Variants in AFG2A observed in about 807,000 individuals in gnomAD.
AFG2A encodes the protein ATPase family gene 2 protein homolog A.
At chr4:123,092,024 G>A in the AFG2A span, among the ~76,000 whole-genome samples, 138,229 of 152,240 alleles carry the variant, frequency 0.91, 62,987 homozygotes, top group East Asian at 0.98. Flanking sequence ...GTATTTTGCT[G>A]TGTGATAAAG....
At chr4:123,213,161 T>C in the AFG2A span, among the ~76,000 whole-genome samples, 1 of 152,184 alleles carries the variant, frequency 6.6e-6, no homozygotes, top group Admixed American at 6.6e-5. Context: ...GTGGTGTTTA[T>C]CAAATATGTT....
the AFG2A span, among the ~76,000 whole-genome samples, chr4:123,143,090 T>A: frequency 6.6e-6 from 1 of 151,604 alleles, no homozygotes; most frequent in Non-Finnish European, 1.5e-5. Context: ...AATGCAAATA[T>A]TACAAAATCC....
At chr4:123,063,010 T>C in the AFG2A span, among the ~76,000 whole-genome samples, 1 of 152,240 alleles carries the variant, frequency 6.6e-6, no homozygotes, top group African/African-American at 2.4e-5. Context: ...GTTTGTTTTT[T>C]GTAACCATAA....
chr4:122,983,928 G>A, the AFG2A span, among the ~76,000 whole-genome samples: 1 of 152,172 alleles, frequency 6.6e-6, no homozygotes, highest in Non-Finnish European at 1.5e-5. Context: ...CATAGGAAAA[G>A]TGGGGAGAGT....
the AFG2A span, among the ~76,000 whole-genome samples, chr4:122,992,956 T>TTGTG: frequency 1.1e-4 from 14 of 132,890 alleles, no homozygotes; most frequent in East Asian, 7.0e-4. Context: ...CCTGTAAGAT[T>TTGTG]TGTGTGTGTG....
chr4:122,999,965 G>T, the AFG2A span, among the ~76,000 whole-genome samples: 2 of 152,002 alleles, frequency 1.3e-5, no homozygotes, highest in Admixed American at 6.6e-5. Context: ...CCATTTCTTT[G>T]TATCTTTATT....
At chr4:123,039,210 G>T in the AFG2A span, among the ~76,000 whole-genome samples, 5 of 151,998 alleles carry the variant, frequency 3.3e-5, no homozygotes, top group Admixed American at 3.3e-4. Flanking sequence ...CAGTTACATT[G>T]CCTGAATAAA....
At chr4:123,239,682 C>A in the AFG2A span, among the ~76,000 whole-genome samples, 2 of 152,138 alleles carry the variant, frequency 1.3e-5, no homozygotes, top group African/African-American at 4.8e-5. Flanking sequence ...GAAGGAAGCA[C>A]TAAACAAGGA....
the AFG2A span, among the ~76,000 whole-genome samples, chr4:122,957,496 A>G: frequency 6.6e-6 from 1 of 152,196 alleles, no homozygotes; most frequent in Non-Finnish European, 1.5e-5. Flanking sequence ...AGTGTATCCC[A>G]CTTATCGAAC....
chr4:122,942,311 T>G, the AFG2A span, among the ~76,000 whole-genome samples: 204 of 149,434 alleles, frequency 1.4e-3, 1 homozygote, highest in Non-Finnish European at 1.4e-3. Flanking sequence ...CAATTTCAGA[T>G]CCTGTTATTG....
the AFG2A span, among the ~76,000 whole-genome samples, chr4:123,209,697 CCACCT>C: frequency 1.3e-5 from 2 of 149,738 alleles, no homozygotes; most frequent in African/African-American, 4.9e-5. Context: ...AAGCGATCTT[CCACCT>C]CAGCTTCCTG....
the AFG2A span, among the ~76,000 whole-genome samples, chr4:123,069,598 G>C: frequency 6.6e-6 from 1 of 152,106 alleles, no homozygotes; most frequent in Non-Finnish European, 1.5e-5. Context: ...CCTGAGCCAA[G>C]CATTTCTGCA....
chr4:123,302,277 C>A, the AFG2A span, among the ~76,000 whole-genome samples: 2 of 152,162 alleles, frequency 1.3e-5, no homozygotes, highest in African/African-American at 4.8e-5. Context: ...CCAGGACCAA[C>A]CTCAAGCTCT....
chr4:123,070,298 A>G, the AFG2A span, among the ~76,000 whole-genome samples: 2 of 152,078 alleles, frequency 1.3e-5, no homozygotes, highest in African/African-American at 4.8e-5. Flanking sequence ...TAATGCCCCA[A>G]ACTGCTATCT....
chr4:123,003,267 G>A, the AFG2A span, among the ~76,000 whole-genome samples: 31 of 152,236 alleles, frequency 2.0e-4, no homozygotes, highest in African/African-American at 4.1e-4. Context: ...CCTGTAGCTC[G>A]GAGTAGTTTG....
chr4:123,029,311 A>T, the AFG2A span, among the ~76,000 whole-genome samples: 4 of 152,104 alleles, frequency 2.6e-5, no homozygotes, highest in African/African-American at 9.7e-5. Context: ...TGACCTCATG[A>T]TCCGCCTGCC....
At chr4:122,954,164 CA>C in the AFG2A span, among the ~76,000 whole-genome samples, 1 of 152,190 alleles carries the variant, frequency 6.6e-6, no homozygotes, top group Non-Finnish European at 1.5e-5. Context: ...GCCTGATCCT[CA>C]TTGTTGGCAC....
the AFG2A span, among the ~76,000 whole-genome samples, chr4:122,967,676 A>AT: frequency 6.6e-6 from 1 of 152,118 alleles, no homozygotes; most frequent in East Asian, 1.9e-4. Flanking sequence ...TGTTTTTATT[A>AT]TTTTTTTAAA....
chr4:122,924,213 A>G, the AFG2A span, among the ~76,000 whole-genome samples: 1 of 152,132 alleles, frequency 6.6e-6, no homozygotes, highest in Non-Finnish European at 1.5e-5. Flanking sequence ...TTGACATGTA[A>G]ACATGCTCAT....
Sources: allele counts gnomAD v4.1 joint callset (sites outside exome capture counted in the v4.1 genomes callset), GRCh38; gene constraint gnomAD v4.1.1; transcripts MANE v1.5; gene names NCBI Gene and HGNC (gene_info 2026-07-23, HGNC 2026-07-21).